Variants in DIXDC1 observed in about 807,000 individuals in gnomAD.
DIXDC1 encodes dixin.
Under a neutral mutation model 103.1 loss-of-function variants are expected in DIXDC1, and 64 were observed. The observed-to-expected ratio is 0.62, with a 90% CI of 0.51 to 0.76. DIXDC1 has a LOEUF of 0.76. Among genes scored for constraint, DIXDC1 ranks in the 30% least tolerant of loss-of-function variants. The pLI is 0.00. For synonymous variants in DIXDC1, 266 were observed against 298.5 expected (o/e 0.89, Z 1.12); for missense variants, 759 against 834.2 (o/e 0.91, Z 1.11).
intron 3 of DIXDC1, among the ~76,000 whole-genome samples, chr11:111,969,670 G>A (rs587701401): frequency 2.0e-5 from 3 of 152,270 alleles, no homozygotes; most frequent in Admixed American, 1.3e-4. Flanking sequence ...TTGTTTCAGC[G>A]TCAGTTCCTG....
At chr11:111,952,977 A>G (rs1248562559) in intron 1 of DIXDC1, among the ~76,000 whole-genome samples, 1 of 152,004 alleles carries the variant, frequency 6.6e-6, no homozygotes, top group African/African-American at 2.4e-5. Context: ...GCAACAGAGC[A>G]AGACCCTGTC....
chr11:111,937,761 G>C (rs992861642), intron 1 of DIXDC1, among the ~76,000 whole-genome samples: 3 of 152,230 alleles, frequency 2.0e-5, no homozygotes, highest in Non-Finnish European at 2.9e-5. Context: ...CCACAGCTAA[G>C]CTGGGCCATG....
In DIXDC1 at chr11:111,995,217, C is replaced by A. The variant is rs1555175196; in HGVS notation, c.1527+109C>A. On this transcript the variant is annotated intron_variant, in intron 15 of 19. Transcript: ENST00000440460. ...CTTTTATATTCCAGTTCCCTAATTCCTGGATCTGTGGAGTGTGTAAAGATG... is the reference window on the plus strand; with the variant it reads ...CTTTTATATTCCAGTTCCCTAATTCATGGATCTGTGGAGTGTGTAAAGATG... 5.2e-6 allele frequency: 7 copies of A among 1,358,582 alleles called. No homozygotes were observed. The Admixed American group carries it at 1.1e-4, about 22-fold the overall frequency. The allele number at this position is 1,358,582 out of a possible 1,614,324, so 84.2% of individuals were successfully genotyped here. A position where few individuals can be genotyped will look rare whatever the true frequency, so the allele number is the denominator to read the frequency against.
chr11:111,992,603 C>A, intron 11 of DIXDC1, 84 bp downstream of exon 11: 1 of 1,204,290 alleles, frequency 8.3e-7, no homozygotes, highest in South Asian at 1.4e-5. Context: ...GACTGGCCAT[C>A]CTAATCTCTT....
At position 111,969,199 on chromosome 11, in the gene DIXDC1, G is replaced by A. The variant is rs77523442; in HGVS notation, c.316+561G>A. Among the ~76,000 whole-genome samples the A allele has an allele frequency of 1.6e-4, 24 of 152,016 alleles. No homozygotes were observed. In the East Asian group the frequency reaches 2.6e-3, roughly 16 times the overall value. On this transcript the variant is annotated intron_variant, in intron 3 of 19. Transcript: ENST00000440460. ...AATCCCAGCACTGGGAGGCCAAGGC[G>A]GGAGGATCACTTGAGCCCAGGAGTT... is the stretch of plus-strand genomic sequence containing the variant.
At chr11:112,008,666 A>G (rs1452947993) in intron 17 of DIXDC1, among the ~76,000 whole-genome samples, 3 of 152,202 alleles carry the variant, frequency 2.0e-5, no homozygotes, top group Non-Finnish European at 4.4e-5. Context: ...TCAAAACTGC[A>G]CAACTACATG....
At chr11:111,956,015 C>T (rs1438873700) in intron 1 of DIXDC1, among the ~76,000 whole-genome samples, 1 of 151,718 alleles carries the variant, frequency 6.6e-6, no homozygotes, top group Non-Finnish European at 1.5e-5. Context: ...CACACACACA[C>T]ACACACACGG....
chr11:111,927,501 T>G (rs1473516930), intron 1 of DIXDC1: 1 of 152,322 alleles, frequency 6.6e-6, no homozygotes, highest in Admixed American at 6.5e-5. Context: ...AGGCTAAAAT[T>G]TCAAAGACCA....
chr11:111,935,687 T>TACACCACGAAGTGTGGTAGTGTC (rs1966166984), upstream of DIXDC1, among the ~76,000 whole-genome samples: 2 of 152,234 alleles, frequency 1.3e-5, no homozygotes, highest in African/African-American at 4.8e-5. Flanking sequence ...CCGGGGGTGT[T>TACACCACGAAGTGTGGTAGTGTC]ACACCACGAA....
chr11:111,994,619 T>C (rs1686130092), intron 14 of DIXDC1, among the ~76,000 whole-genome samples: 2 of 151,476 alleles, frequency 1.3e-5, no homozygotes, highest in African/African-American at 4.8e-5. Context: ...TATATGTATG[T>C]GTATATATAT....
intron 5 of DIXDC1, chr11:111,975,388 G>A (rs1432297819): frequency 9.7e-7 from 1 of 1,036,200 alleles, no homozygotes; most frequent in African/African-American, 1.7e-5. Flanking sequence ...AAAGCTCATA[G>A]AAGAGAAGAA....
At chr11:111,955,238 A>G (rs143666256) in intron 1 of DIXDC1, among the ~76,000 whole-genome samples, 55 of 148,222 alleles carry the variant, frequency 3.7e-4, no homozygotes, top group African/African-American at 1.3e-3. Context: ...CGGGAGGCTG[A>G]GTTGGGAGGA....
intron 1 of DIXDC1, among the ~76,000 whole-genome samples, chr11:111,945,461 G>A (rs1006742689): frequency 2.6e-5 from 4 of 152,152 alleles, no homozygotes; most frequent in Non-Finnish European, 4.4e-5. Flanking sequence ...CACAGAGGAG[G>A]GTTCTTAAAG....
At position 112,014,401 on chromosome 11, in the gene DIXDC1, T is replaced by C. The variant is rs587685776; in HGVS notation, c.1757-2290T>C. ...TTCATTATGCTCCAGCCTTACTAAT[T>C]CACCTACAGTTTTGTAAATATATGA... On this transcript the variant is annotated intron_variant, in intron 17 of 19. Coordinates refer to ENST00000440460, the MANE Select transcript of DIXDC1 (RefSeq NM_001037954.4). Among the ~76,000 whole-genome samples the C allele has an allele frequency of 3.0e-4, 46 of 152,358 alleles. 1 individual carries two copies. In the South Asian group the frequency reaches 9.3e-3, roughly 31 times the overall value.
At chr11:111,960,798 A>G (rs1555171022) in intron 1 of DIXDC1, among the ~76,000 whole-genome samples, 1 of 152,016 alleles carries the variant, frequency 6.6e-6, no homozygotes, top group Non-Finnish European at 1.5e-5. Context: ...TTTCCAGGTG[A>G]TTCTGGTTGT....
chr11:111,993,254 G>A (rs1860765316), intron 12 of DIXDC1, among the ~76,000 whole-genome samples: 1 of 152,144 alleles, frequency 6.6e-6, no homozygotes, highest in Non-Finnish European at 1.5e-5. Flanking sequence ...CTTTATCTCT[G>A]ACTAGTATGA....
At chr11:111,933,195 C>G (rs781932144), upstream of DIXDC1, among the ~76,000 whole-genome samples, 62 of 151,368 alleles carry the variant, frequency 4.1e-4, no homozygotes, top group Non-Finnish European at 4.4e-4. Context: ...ATGGTGTGAT[C>G]TCGGCTCACC....
rs587744488 is a variant in DIXDC1 at position 111,995,112 on chromosome 11, C to T, written c.1527+4C>T. On this transcript the variant is annotated splice_donor_region_variant and intron_variant, in intron 15 of 19. Coordinates refer to ENST00000440460, the MANE Select transcript of DIXDC1 (RefSeq NM_001037954.4). ...TACTTCAGTCAGCAACAGAGGGGTA[C>T]GTACCTGGAGTTTTGATGGAGTCCT... 37 of 1,612,846 alleles carry T rather than the reference C, an allele frequency of 2.3e-5. No individual in the cohort carries two copies. The South Asian group carries it at 2.7e-4, about 12-fold the overall frequency.
chr11:112,008,067 C>T (rs958210818), intron 17 of DIXDC1, among the ~76,000 whole-genome samples: 6 of 149,556 alleles, frequency 4.0e-5, no homozygotes, highest in Non-Finnish European at 8.9e-5. Flanking sequence ...ACCCATATCA[C>T]GTGCAGAGAC....
Sources: gnomAD v4.1 joint callset for allele counts (sites outside exome capture counted in the v4.1 genomes callset) on GRCh38, gnomAD v4.1.1 for gene constraint, MANE v1.5 for transcripts, NCBI Gene and HGNC (gene_info 2026-07-23, HGNC 2026-07-21) for gene names.